The following CYP19A1 variants were observed in gnomAD, a reference collection of about 807,000 sequenced individuals.
CYP19A1 encodes the protein cytochrome P450 family 19 subfamily A member 1.
A neutral mutation model predicts 44.4 loss-of-function variants in CYP19A1; 32 were observed. The ratio of observed to expected loss-of-function variants is 0.72; its 90% CI spans 0.54 to 0.97. CYP19A1 has a LOEUF of 0.97. CYP19A1 is among the 50% of genes least tolerant of loss of function. The probability of loss-of-function intolerance (pLI) is 0.00; values close to 1 mark genes in which losing one functional copy is unlikely to be tolerated. For synonymous variants in CYP19A1, 212 were observed against 215.6 expected (o/e 0.98, Z 0.14); for missense variants, 598 against 637.8 (o/e 0.94, Z 0.67).
intron 1 of CYP19A1, chr15:51,277,954 G>GGT (rs1555395946): frequency 9.0e-6 from 1 of 110,586 alleles, no homozygotes; most frequent in Non-Finnish European, 1.8e-5. Flanking sequence ...AGTTGCATGA[G>GGT]TTTTTTTTTT....
intron 1 of CYP19A1, among the ~76,000 whole-genome samples, chr15:51,253,171 G>T (rs577716557): frequency 1.3e-5 from 2 of 152,282 alleles, no homozygotes; most frequent in East Asian, 3.9e-4. Context: ...GGAAATAGTG[G>T]TATTTCTTGA....
At chr15:51,274,855 A>G (rs1195854347) in intron 1 of CYP19A1, among the ~76,000 whole-genome samples, 1 of 152,174 alleles carries the variant, frequency 6.6e-6, no homozygotes, top group Non-Finnish European at 1.5e-5. Context: ...TGAAGAAGAA[A>G]GAAGGGGCAA....
At chr15:51,213,525 T>C (rs945310093) in intron 8 of CYP19A1, among the ~76,000 whole-genome samples, 3 of 152,082 alleles carry the variant, frequency 2.0e-5, no homozygotes, top group African/African-American at 7.2e-5. Context: ...GGGGCCTGTA[T>C]AGCTGGGGTT....
intron 1 of CYP19A1, among the ~76,000 whole-genome samples, chr15:51,270,990 G>A (rs1451443759): frequency 6.6e-6 from 1 of 152,030 alleles, no homozygotes; most frequent in African/African-American, 2.4e-5. Flanking sequence ...CTTTCTGAGG[G>A]TATCAGTGGC....
At chr15:51,247,758 C>A (rs888763020) in intron 1 of CYP19A1, among the ~76,000 whole-genome samples, 3 of 152,172 alleles carry the variant, frequency 2.0e-5, no homozygotes, top group African/African-American at 7.2e-5. Context: ...CATCATCCAG[C>A]TTCAAAATAT....
At chr15:51,312,350 A>G (rs1050451135) in intron 1 of CYP19A1, 2 of 152,266 alleles carry the variant, frequency 1.3e-5, no homozygotes, top group Non-Finnish European at 2.9e-5. Context: ...ATATGTAAAC[A>G]CATTAACAAG....
In CYP19A1 at chr15:51,338,560, C is replaced by T. The variant is rs1419384516; in HGVS notation, c.-104G>A. 1.3e-5 allele frequency: 2 copies of T among 152,304 alleles called. No homozygotes were observed. The highest frequency in any genetic ancestry group is 4.8e-5 in the African/African-American group (2 of 41,458). 9.4% of individuals were successfully genotyped at this position (152,304 alleles called of 1,614,324 possible). The stretch of plus-strand genomic sequence containing the variant: ...GATAGGATAAGTTCTTCTTCACCTT[C>T]CTGTTTGCCTCCACGTGTTCAGCCC... On this transcript the variant is annotated 5_prime_UTR_variant, in exon 1 of 10. Coordinates refer to ENST00000396402, the MANE Select transcript of CYP19A1 (RefSeq NM_000103.4).
intron 3 of CYP19A1, among the ~76,000 whole-genome samples, chr15:51,232,826 G>A (rs913146310): frequency 3.3e-5 from 5 of 152,138 alleles, no homozygotes; most frequent in African/African-American, 1.2e-4. Context: ...ATTCTCAACA[G>A]AGCAGCCAGA....
chr15:51,328,180 C>A (rs1012826787), intron 1 of CYP19A1, among the ~76,000 whole-genome samples: 1 of 152,154 alleles, frequency 6.6e-6, no homozygotes, highest in African/African-American at 2.4e-5. Flanking sequence ...CAAATATGTA[C>A]CATCTTCACT....
rs1434067013 is a variant in CYP19A1, at chr15:51,294,453, G to A, written c.-39+44042C>T. On this transcript the variant is annotated intron_variant, in intron 1 of 9. Coordinates refer to ENST00000396402, the MANE Select transcript of CYP19A1 (RefSeq NM_000103.4). ...TCCGCCTGGCAACCGCCCCGTCTGA[G>A]AAGTGAGGAGCCCCTCCGCCCGGCA... 4.1e-5 allele frequency among the ~76,000 whole-genome samples: 5 copies of A among 121,508 alleles called. No individual in the cohort carries two copies. In the East Asian group the frequency reaches 1.4e-3, roughly 34 times the overall value. 79.7% of individuals were successfully genotyped at this position (121,508 alleles called of 152,430 possible). A position where few individuals can be genotyped will look rare whatever the true frequency, so the allele number is the denominator to read the frequency against.
intron 2 of CYP19A1, among the ~76,000 whole-genome samples, chr15:51,241,589 C>T (rs1248021147): frequency 6.6e-6 from 1 of 151,664 alleles, no homozygotes; most frequent in Non-Finnish European, 1.5e-5. Context: ...CTGACCCTGA[C>T]CTAGAAGCCC....
intron 3 of CYP19A1, among the ~76,000 whole-genome samples, chr15:51,234,397 C>T (rs888980467): frequency 1.3e-5 from 2 of 152,112 alleles, no homozygotes; most frequent in Non-Finnish European, 2.9e-5. Context: ...GCGCCTGAGT[C>T]GGTCGGGGTT....
At chr15:51,294,593 C>T (rs1383061833) in intron 1 of CYP19A1, among the ~76,000 whole-genome samples, 3 of 148,970 alleles carry the variant, frequency 2.0e-5, no homozygotes, top group Admixed American at 2.0e-4. Flanking sequence ...GGGGGATCAG[C>T]CCCCCGCCCG....
At chr15:51,279,293 C>G (rs2035433627) in intron 1 of CYP19A1, among the ~76,000 whole-genome samples, 1 of 152,206 alleles carries the variant, frequency 6.6e-6, no homozygotes, top group African/African-American at 2.4e-5. Context: ...GGGAGGGCAT[C>G]CTGGAATGAA....
intron 1 of CYP19A1, among the ~76,000 whole-genome samples, chr15:51,310,675 C>T (rs534561311): frequency 2.5e-4 from 38 of 152,286 alleles, no homozygotes; most frequent in African/African-American, 9.1e-4. Flanking sequence ...TTTCCCCTTG[C>T]ACTTTGCTCT....
At chr15:51,287,047 G>A (rs912333225) in intron 1 of CYP19A1, among the ~76,000 whole-genome samples, 1 of 152,218 alleles carries the variant, frequency 6.6e-6, no homozygotes, top group African/African-American at 2.4e-5. Flanking sequence ...GGGTTGGCAA[G>A]AGTGGAGCCG....
At chr15:51,253,149 GA>G (rs1270954601) in intron 1 of CYP19A1, among the ~76,000 whole-genome samples, 2 of 152,022 alleles carry the variant, frequency 1.3e-5, no homozygotes, top group African/African-American at 2.4e-5. Flanking sequence ...TTCCTCATTA[GA>G]AAAAAATGGG....
intron 1 of CYP19A1, among the ~76,000 whole-genome samples, chr15:51,325,774 G>T (rs1221399944): frequency 6.9e-6 from 1 of 145,180 alleles, no homozygotes; most frequent in East Asian, 2.1e-4. Flanking sequence ...GGAGTCAGAG[G>T]TTGCAGTGAG....
chr15:51,297,100 G>A (rs950523358), intron 1 of CYP19A1, among the ~76,000 whole-genome samples: 2 of 152,330 alleles, frequency 1.3e-5, no homozygotes, highest in South Asian at 2.1e-4. Context: ...AGACACCAAT[G>A]AACAGGTTTG....
Sources: allele counts gnomAD v4.1 joint callset (sites outside exome capture counted in the v4.1 genomes callset), GRCh38; gene constraint gnomAD v4.1.1; transcripts MANE v1.5; gene names NCBI Gene and HGNC (gene_info 2026-07-23, HGNC 2026-07-21).